Variants in LLGL2 observed in about 807,000 individuals in gnomAD.
LLGL2 encodes LLGL scribble cell polarity complex component 2.
LLGL2 carries 81 observed loss-of-function variants against 123.2 expected under a neutral mutation model. The ratio of observed to expected loss-of-function variants is 0.66; its 90% CI spans 0.55 to 0.79. The LOEUF (loss-of-function observed/expected upper bound fraction) is 0.79, where lower values mean the gene tolerates loss of function less well. Ranked by LOEUF, LLGL2 falls within the 30% of genes least tolerant of loss-of-function variation. The pLI is 0.00. For synonymous variants in LLGL2, 577 were observed against 594.1 expected, an observed-to-expected ratio of 0.97 and a Z score of 0.42; for missense variants, 1,273 against 1,414.6, an observed-to-expected ratio of 0.90 and a Z score of 1.61.
chr17:75,564,433 G>C lies in LLGL2; in HGVS notation c.962G>C (p.Gly321Ala). ...DRHCISVIHD[G>A]QQTAFDFTSR... The stretch of plus-strand genomic sequence containing the variant: ...CACTGCATCTCAGTGATCCACGATG[G>C]CCAGCAGACGGCCTTCGACTTCACC... The change falls in exon 10 of 26, where the codon GGC (glycine) becomes GCC (alanine). Residue 321 changes from glycine to alanine, a missense_variant. Coordinates refer to ENST00000392550, the MANE Select transcript of LLGL2 (RefSeq NM_001031803.2). This position sits in a 1 kb window ranked among gnomAD's most constrained non-coding sequence, Gnocchi z 4.9. 1.2e-6 allele frequency: 2 copies of C among 1,613,512 alleles called. No homozygotes were observed. Among genetic ancestry groups the C allele is most frequent in the South Asian group, 2.2e-5 (2 of 91,082 alleles).
At chr17:75,537,903 G>C (rs914705789) in intron 1 of LLGL2, among the ~76,000 whole-genome samples, 1 of 150,730 alleles carries the variant, frequency 6.6e-6, no homozygotes, top group African/African-American at 2.5e-5. Context: ...CCGCCTCCTG[G>C]GTTCAAGCAA....
chr17:75,546,659 CA>C (rs1568033210), intron 2 of LLGL2, among the ~76,000 whole-genome samples: 16 of 26,248 alleles, frequency 6.1e-4, no homozygotes, highest in African/African-American at 1.5e-3. Flanking sequence ...GTCCAGCAGA[CA>C]GGCGGAGGGC....
Position 75,564,983 on chromosome 17 carries a change from C to T in LLGL2, c.1036+476C>T, listed in dbSNP as rs2055384199. Among the ~76,000 whole-genome samples the T allele has an allele frequency of 6.6e-6, 1 of 152,220 alleles. No homozygotes were observed. Among genetic ancestry groups the T allele is most frequent in the Non-Finnish European group, 1.5e-5 (1 of 68,028 alleles). On this transcript the variant is annotated intron_variant, in intron 10 of 25. Coordinates refer to ENST00000392550, the MANE Select transcript of LLGL2 (RefSeq NM_001031803.2). This position sits in a 1 kb window ranked among gnomAD's most constrained non-coding sequence, Gnocchi z 4.9. ...CAAGCCCTACAGCTCCTTTCTCTGC[C>T]TCCCTGCCACCCTCCCCAGCTAGAG...
At chr17:75,541,305 C>G (rs1334466181) in intron 1 of LLGL2, among the ~76,000 whole-genome samples, 1 of 152,244 alleles carries the variant, frequency 6.6e-6, no homozygotes, top group African/African-American at 2.4e-5. Context: ...ACCCAGTGAC[C>G]TTGGCCTGGG....
chr17:75,550,690 T>C (rs184739309), intron 2 of LLGL2, among the ~76,000 whole-genome samples: 1,528 of 146,336 alleles, frequency 0.01, 27 homozygotes, highest in African/African-American at 0.037. Context: ...GAGACTCAGG[T>C]GGATCACTTG....
At position 75,569,302 on chromosome 17, in the gene LLGL2, G is replaced by T; in HGVS notation, c.1558G>T (p.Ala520Ser). 1.2e-6 allele frequency: 2 copies of T among 1,613,234 alleles called. No homozygotes were observed. Among genetic ancestry groups the T allele is most frequent in the Non-Finnish European group, 1.7e-6 (2 of 1,179,962 alleles). Residue 520 changes from alanine (A) to serine (S), a missense_variant, in exon 14 of 26, where the codon GCT becomes TCT. By Grantham distance (99) the Ala-to-Ser change is moderately conservative. Transcript: ENST00000392550. ...IFLCKYSGYL[A>S]VAGTAGQVLV... ...CCTCTGCAAGTACAGCGGCTACCTGGCTGTGGCAGGCACGGCAGGGCAGGT... is the reference window on the plus strand; with the variant it reads ...CCTCTGCAAGTACAGCGGCTACCTGTCTGTGGCAGGCACGGCAGGGCAGGT...
At position 75,572,935 on chromosome 17, in the gene LLGL2, G is replaced by C. The variant is rs368596814; in HGVS notation, c.2461-79G>C. ...CAGGACACCGGGAGGCATGTGGGGA[G>C]GGGAGGGCCCAGCAGCAGCAGCACA... On this transcript the variant is annotated intron_variant, in intron 19 of 25. Transcript: ENST00000392550. 22 of 1,504,332 alleles carry C rather than the reference G, an allele frequency of 1.5e-5. No homozygotes were observed. In the East Asian group the frequency reaches 1.6e-4, roughly 11 times the overall value. The allele number at this position is 1,504,332 out of a possible 1,614,324, so 93.2% of individuals were successfully genotyped here.
chr17:75,535,235 G>A (rs1422400935), intron 1 of LLGL2, among the ~76,000 whole-genome samples: 2 of 152,260 alleles, frequency 1.3e-5, no homozygotes, highest in African/African-American at 2.4e-5. Flanking sequence ...CGTCAAACAG[G>A]AGGCCACAGC....
Position 75,568,791 on chromosome 17 carries a change from G to A in LLGL2, c.1274G>A (p.Gly425Asp). The A allele has an allele frequency of 6.2e-7, 1 of 1,603,634 alleles. No homozygotes were observed. The highest frequency in any genetic ancestry group is 8.5e-7 in the Non-Finnish European group (1 of 1,173,948). The part of the protein sequence containing the change: ...FSTMEWPIDG[G>D]TSLTPAPPQR... ...TTCTAGGAGTGGCCAATTGATGGTG[G>A]CACCAGCCTGACCCCAGCCCCACCC... Residue 425 changes from glycine to aspartate, a missense_variant, in exon 12 of 26, where the codon GGC (glycine) becomes GAC (aspartate). Gly to Asp is a moderately conservative substitution (Grantham distance 94). Transcript: ENST00000392550.
chr17:75,547,659 T>C (rs1281109617), intron 2 of LLGL2, among the ~76,000 whole-genome samples: 1 of 152,132 alleles, frequency 6.6e-6, no homozygotes, highest in Non-Finnish European at 1.5e-5. Context: ...ACCCCATCTC[T>C]ACTAAAAATA....
Position 75,568,679 on chromosome 17 carries a change from C to T in LLGL2, c.1240C>T (p.His414Tyr). 3 of 1,613,716 alleles carry T rather than the reference C, an allele frequency of 1.9e-6. No homozygotes were observed. The highest frequency in any genetic ancestry group is 2.5e-6 in the Non-Finnish European group (3 of 1,179,986). ...TGCCGCCGGCAGCCGGCAGAACGCA[C>T]ACTTCTCCACCATGGTAGGTCTGGC... ...IIAAGSRQNA[H>Y]FSTMEWPIDG... The change falls in exon 11 of 26, where the codon CAC becomes TAC. Residue 414 changes from histidine (H) to tyrosine (Y), a missense_variant. Physicochemically the swap from His to Tyr is moderately conservative, Grantham distance 83. Coordinates refer to ENST00000392550, the MANE Select transcript of LLGL2 (RefSeq NM_001031803.2).
chr17:75,572,459 C>G (rs909070390), intron 19 of LLGL2, among the ~76,000 whole-genome samples: 2 of 152,054 alleles, frequency 1.3e-5, no homozygotes, highest in African/African-American at 2.4e-5. Context: ...GTCAGGAGAT[C>G]GAGACCATCC....
chr17:75,574,397 C>T (rs1357857077), intron 23 of LLGL2, 56 bp from the exon 24 acceptor site: 9 of 1,544,556 alleles, frequency 5.8e-6, no homozygotes, highest in African/African-American at 1.4e-5. Context: ...GGTGGAAGGG[C>T]TGTGGCTAGC....
rs776633119 is a variant in LLGL2 at position 75,571,061 on chromosome 17, G to C, written c.2137G>C (p.Val713Leu). 3 of 1,612,850 alleles carry C rather than the reference G, an allele frequency of 1.9e-6. No homozygotes were observed. The highest frequency in any genetic ancestry group is 1.7e-5 in the Admixed American group (1 of 59,986). The change falls in exon 17 of 26, where the codon GTC becomes CTC. Residue 713 changes from valine (V) to leucine (L), a missense_variant. By Grantham distance (32) the Val-to-Leu change is conservative. Coordinates refer to ENST00000392550, the MANE Select transcript of LLGL2 (RefSeq NM_001031803.2). Reference sequence around the variant, plus strand: ...GGCAGAGGACTCCTTCACAGGCTTCGTCCGGACCCTGTACTTTGCTGACAC... The same window carrying C: ...GGCAGAGGACTCCTTCACAGGCTTCCTCCGGACCCTGTACTTTGCTGACAC... ...RSAEDSFTGF[V>L]RTLYFADTYL...
At chr17:75,573,656 T>TTGCCCC in intron 21 of LLGL2, 25 bp downstream of exon 21, 7 of 1,429,102 alleles carry the variant, frequency 4.9e-6, no homozygotes, top group Non-Finnish European at 5.6e-6. Context: ...CAGAGGCCTC[T>TTGCCCC]CCCGCCCCTC....
intron 3 of LLGL2, among the ~76,000 whole-genome samples, chr17:75,557,536 A>T (rs1482600035): frequency 6.6e-6 from 1 of 152,204 alleles, no homozygotes; most frequent in African/African-American, 2.4e-5. Context: ...AAGGGAGTTG[A>T]GAGATGAGGG....
chr17:75,564,814 G>T lies in LLGL2; in HGVS notation c.1036+307G>T. On this transcript the variant is annotated intron_variant, in intron 10 of 25. Coordinates refer to ENST00000392550, the MANE Select transcript of LLGL2 (RefSeq NM_001031803.2). The surrounding 1 kb of genome is among the most constrained non-coding windows in gnomAD (Gnocchi z 4.9). ...GGGAGGTGGAGGTTGCAGCGAACCA[G>T]GATCATGCTACTGTACTCAGCCTGG... 1 of 309,988 alleles carries T rather than the reference G, an allele frequency of 3.2e-6. No individual in the cohort carries two copies. 19.2% of individuals were successfully genotyped at this position (309,988 alleles called of 1,614,324 possible).
chr17:75,541,461 C>G (rs538991992), intron 1 of LLGL2, among the ~76,000 whole-genome samples: 1 of 152,236 alleles, frequency 6.6e-6, no homozygotes, highest in African/African-American at 2.4e-5. Context: ...CAGCCGGTGC[C>G]TGTTCTCTGA....
chr17:75,573,204 A>G lies in LLGL2; in HGVS notation c.2651A>G (p.Gln884Arg), dbSNP rs2055805792. 5 of 1,612,796 alleles carry G rather than the reference A, an allele frequency of 3.1e-6. No homozygotes were observed. The highest frequency in any genetic ancestry group is 4.2e-6 in the Non-Finnish European group (5 of 1,179,762). The change falls in exon 20 of 26, where the codon CAG (glutamine) becomes CGG (arginine). Residue 884 changes from glutamine to arginine, a missense_variant. Physicochemically the swap from Gln to Arg is conservative, Grantham distance 43 (BLOSUM62 1). Transcript: ENST00000392550. ...QVVSLPLLKPQVRYSCIRRED... is the reference protein window; with the variant it reads ...QVVSLPLLKPRVRYSCIRRED... The stretch of plus-strand genomic sequence containing the variant: ...GTCTCGCTGCCCCTGCTCAAGCCCC[A>G]GGTGCGCTACAGCTGCATCCGCCGG...
Sources: gnomAD v4.1 joint callset for allele counts (sites outside exome capture counted in the v4.1 genomes callset) on GRCh38, gnomAD v4.1.1 for gene constraint, Gnocchi (gnomAD v3.1) non-coding constraint, MANE v1.5 for transcripts, NCBI Gene and HGNC (gene_info 2026-07-23, HGNC 2026-07-21) for gene names.